ZFAND2A: variants seen among roughly 807,000 people sequenced by gnomAD.
ZFAND2A encodes AN1-type zinc finger protein 2A.
A neutral mutation model predicts 11.6 loss-of-function variants in ZFAND2A; 20 were observed. That is an observed-to-expected ratio of 1.72 (90% confidence interval 1.21 to 2.50). ZFAND2A has a LOEUF of 2.50. Among genes scored for constraint, ZFAND2A ranks in the 30% most tolerant of loss-of-function variants. The pLI is 0.00. For synonymous variants in ZFAND2A, 93 were observed against 60.6 expected (o/e 1.54, Z -2.48); for missense variants, 234 against 182.9 (o/e 1.28, Z -1.61).
downstream of ZFAND2A, among the ~76,000 whole-genome samples, chr7:1,151,634 C>G (rs374999202): frequency 3.7e-4 from 57 of 152,090 alleles, no homozygotes; most frequent in East Asian, 0.01. Flanking sequence ...AGTTTGGTGC[C>G]TGTAATCCCA....
chr7:1,157,851 G>A, intron 2 of ZFAND2A, 101 bp from the exon 3 acceptor site: 3 of 959,770 alleles, frequency 3.1e-6, no homozygotes, highest in Non-Finnish European at 4.6e-6. Flanking sequence ...TTAGGCCTAT[G>A]AGATGGACAG....
chr7:1,150,291 C>T (rs1001822725), downstream of ZFAND2A, among the ~76,000 whole-genome samples: 1 of 152,184 alleles, frequency 6.6e-6, no homozygotes, highest in African/African-American at 2.4e-5. Flanking sequence ...GAATACAAAC[C>T]CTTCCCGTTA....
At chr7:1,156,908 A>T (rs1793539614) in intron 3 of ZFAND2A, 1 of 152,356 alleles carries the variant, frequency 6.6e-6, no homozygotes, top group Non-Finnish European at 1.5e-5. Context: ...TAGTAAACGC[A>T]GGGAATGTGA....
At chr7:1,154,287 C>T (rs1046517329) in intron 4 of ZFAND2A, among the ~76,000 whole-genome samples, 4 of 151,146 alleles carry the variant, frequency 2.6e-5, no homozygotes, top group Non-Finnish European at 5.9e-5. Flanking sequence ...GGGGAGGGTT[C>T]CAGCAGCCGG....
chr7:1,150,473 G>A (rs994258827), downstream of ZFAND2A, among the ~76,000 whole-genome samples: 3 of 152,134 alleles, frequency 2.0e-5, no homozygotes, highest in Non-Finnish European at 2.9e-5. Context: ...AAGTTCCCAG[G>A]AAATCACTGC....
chr7:1,153,346 C>T, intron 4 of ZFAND2A, 122 bp from the exon 5 acceptor site: 1 of 1,054,976 alleles, frequency 9.5e-7, no homozygotes, highest in Non-Finnish European at 1.4e-6. Context: ...CTCCTGGACT[C>T]AAGTGATTCT....
chr7:1,152,376 TC>T, downstream of ZFAND2A: 2 of 1,512,388 alleles, frequency 1.3e-6, no homozygotes, highest in Non-Finnish European at 1.8e-6. Flanking sequence ...CAGCTCAGCC[TC>T]CATGTGCTGA....
chr7:1,153,916 G>A (rs892191332), intron 4 of ZFAND2A, among the ~76,000 whole-genome samples: 3 of 152,160 alleles, frequency 2.0e-5, no homozygotes, highest in Non-Finnish European at 2.9e-5. Flanking sequence ...ACTCCAGCCT[G>A]GGCGACAGAG....
intron 1 of ZFAND2A, among the ~76,000 whole-genome samples, chr7:1,159,361 C>G (rs1348614730): frequency 1.3e-5 from 2 of 152,252 alleles, no homozygotes; most frequent in Admixed American, 6.5e-5. Context: ...AAACACACAT[C>G]TACGTGGCTG....
downstream of ZFAND2A, among the ~76,000 whole-genome samples, chr7:1,150,746 A>C (rs990539349): frequency 6.6e-6 from 1 of 152,150 alleles, no homozygotes; most frequent in African/African-American, 2.4e-5. Flanking sequence ...TGTAGTTTTA[A>C]GTCACTTCTG....
downstream of ZFAND2A, chr7:1,152,405 G>C (rs1793416454): frequency 1.1e-5 from 16 of 1,456,684 alleles, no homozygotes; most frequent in South Asian, 2.3e-4. Flanking sequence ...AACCCACACA[G>C]CTTCCTGCAG....
downstream of ZFAND2A, among the ~76,000 whole-genome samples, chr7:1,150,450 C>A (rs936359220): frequency 6.6e-6 from 1 of 152,180 alleles, no homozygotes; most frequent in African/African-American, 2.4e-5. Flanking sequence ...CACCTTATTC[C>A]CTGACACCCC....
intron 3 of ZFAND2A, 175 bp downstream of exon 3, chr7:1,157,481 C>T (rs1036047159): frequency 5.2e-6 from 3 of 575,522 alleles, no homozygotes; most frequent in Non-Finnish European, 3.0e-6. Context: ...CAGACACGCT[C>T]CTCTGTACTG....
At chr7:1,152,122 A>G (rs1793409859), downstream of ZFAND2A, 5 of 1,279,536 alleles carry the variant, frequency 3.9e-6, no homozygotes, top group Non-Finnish European at 5.2e-6. Context: ...TCCTTCATCC[A>G]TCCTGACGAA....
At chr7:1,156,525 C>T (rs1328458051) in intron 3 of ZFAND2A, among the ~76,000 whole-genome samples, 2 of 80,196 alleles carry the variant, frequency 2.5e-5, no homozygotes, top group African/African-American at 1.0e-4. Context: ...CTGGGGGCTC[C>T]GAAGGGGTGG....
rs1401971752 is a variant in ZFAND2A at position 1,158,184 on chromosome 7, C to G, written c.29G>C (p.Cys10Ser). The stretch of plus-strand genomic sequence containing the variant: ...TAGCTGCTTGCAAGTCTTTTCTGAA[C>G]AATGCTTCCCCAAATCAGGAAACTC... MEFPDLGKH[C>S]SEKTCKQLDF... Residue 10 changes from cysteine (C) to serine (S), a missense_variant, in exon 2 of 5, where the codon TGT (cysteine) becomes TCT (serine). Physicochemically the swap from Cys to Ser is moderately radical, Grantham distance 112. Transcript: ENST00000316495. The G allele has an allele frequency of 8.1e-6, 13 of 1,614,148 alleles. No homozygotes were observed. The highest frequency in any genetic ancestry group is 1.0e-5 in the Non-Finnish European group (12 of 1,180,010).
rs541070576 is a variant in ZFAND2A at position 1,155,033 on chromosome 7, G to A, written c.282+420C>T. ...CTCGGGAGGCTGAGACAGGAGAATCGCTTTAACCCGGGAGGCAGAGGTTGC... is the reference window on the plus strand; with the variant it reads ...CTCGGGAGGCTGAGACAGGAGAATCACTTTAACCCGGGAGGCAGAGGTTGC... On this transcript the variant is annotated intron_variant, in intron 4 of 4. Coordinates refer to ENST00000316495, the MANE Select transcript of ZFAND2A (RefSeq NM_182491.4). Among the ~76,000 whole-genome samples, 12 of 152,304 alleles carry A rather than the reference G, an allele frequency of 7.9e-5. No homozygotes were observed. In the East Asian group the frequency reaches 1.7e-3, roughly 22 times the overall value.
chr7:1,155,809 T>C lies in ZFAND2A; in HGVS notation c.151-225A>G. 2 of 422,954 alleles carry C rather than the reference T, an allele frequency of 4.7e-6. 1 individual carries two copies. Among genetic ancestry groups the C allele is most frequent in the East Asian group, 1.2e-4 (2 of 17,338 alleles). 26.2% of individuals were successfully genotyped at this position (422,954 alleles called of 1,614,324 possible). On this transcript the variant is annotated intron_variant, in intron 3 of 4. Transcript: ENST00000316495. Reference sequence around the variant, plus strand: ...AGGAGTCTAGTGAAGTTTCAACGAATGGACTTCAGCCGACTGCAGAAACCA... The same window carrying C: ...AGGAGTCTAGTGAAGTTTCAACGAACGGACTTCAGCCGACTGCAGAAACCA...
At chr7:1,153,674 G>A (rs1793453441) in intron 4 of ZFAND2A, among the ~76,000 whole-genome samples, 2 of 152,258 alleles carry the variant, frequency 1.3e-5, no homozygotes, top group African/African-American at 4.8e-5. Context: ...GCTGGACCCA[G>A]TGGCTCACGC....
Sources: gnomAD v4.1 joint callset for allele counts (sites outside exome capture counted in the v4.1 genomes callset) on GRCh38, gnomAD v4.1.1 for gene constraint, MANE v1.5 for transcripts, NCBI Gene and HGNC (gene_info 2026-07-23, HGNC 2026-07-21) for gene names.